Variants in CDH18 observed in about 807,000 individuals in gnomAD.
CDH18 encodes the protein cadherin-18.
In CDH18, 31 loss-of-function variants were observed where a neutral mutation model predicts 67.9. The observed-to-expected ratio is 0.46, with a 90% CI of 0.34 to 0.62. The LOEUF is 0.62. Among genes scored for constraint, CDH18 ranks in the 20% least tolerant of loss-of-function variants. CDH18 has a pLI of 0.01. For synonymous variants in CDH18, 362 were observed against 347.2 expected, an observed-to-expected ratio of 1.04 and a Z score of -0.48; for missense variants, 890 against 975.5, an observed-to-expected ratio of 0.91 and a Z score of 1.17.
At chr5:20,400,158 C>T (rs1489628814) in intron 1 of CDH18, among the ~76,000 whole-genome samples, 1 of 152,256 alleles carries the variant, frequency 6.6e-6, no homozygotes, top group East Asian at 1.9e-4. Context: ...ATACAGAAAG[C>T]TCTGACTCTG....
intron 10 of CDH18, among the ~76,000 whole-genome samples, chr5:19,507,310 A>C (rs1246666967): frequency 1.3e-5 from 2 of 152,146 alleles, no homozygotes; most frequent in African/African-American, 4.8e-5. Flanking sequence ...GTTGATGGGA[A>C]TGTAAACTAG....
intron 1 of CDH18, among the ~76,000 whole-genome samples, chr5:20,334,150 T>TTTTTTTTTTTTA (rs1432941879): frequency 6.9e-6 from 1 of 144,646 alleles, no homozygotes; most frequent in East Asian, 2.1e-4. Flanking sequence ...TTTTTTTTTT[T>TTTTTTTTTTTTA]TTGAGACGGA....
chr5:19,825,113 T>G (rs573520502), intron 3 of CDH18, among the ~76,000 whole-genome samples: 1 of 151,912 alleles, frequency 6.6e-6, no homozygotes, highest in African/African-American at 2.4e-5. Flanking sequence ...GGTAGCCAGG[T>G]AGACAGTGCC....
intron 5 of CDH18, among the ~76,000 whole-genome samples, chr5:19,686,819 A>T (rs1761160429): frequency 6.6e-6 from 1 of 152,142 alleles, no homozygotes; most frequent in South Asian, 2.1e-4. Flanking sequence ...ATATCTTCCC[A>T]ACCAAAAAAA....
At chr5:19,721,014 A>G (rs375282858) in intron 5 of CDH18, among the ~76,000 whole-genome samples, 1 of 152,174 alleles carries the variant, frequency 6.6e-6, no homozygotes, top group East Asian at 1.9e-4. Flanking sequence ...AGCAAATAAT[A>G]TATTTGAAAA....
intron 2 of CDH18, among the ~76,000 whole-genome samples, chr5:20,001,891 C>A (rs1736469750): frequency 6.6e-6 from 1 of 152,126 alleles, no homozygotes; most frequent in Non-Finnish European, 1.5e-5. Flanking sequence ...ATTCCCGGAA[C>A]TCTGCAGTCA....
At chr5:19,956,401 G>A (rs1796263428) in intron 2 of CDH18, among the ~76,000 whole-genome samples, 1 of 151,824 alleles carries the variant, frequency 6.6e-6, no homozygotes, top group Admixed American at 6.6e-5. Flanking sequence ...CCTTTCTTAG[G>A]CTAAAAGAGT....
intron 2 of CDH18, among the ~76,000 whole-genome samples, chr5:19,922,669 C>T (rs920989211): frequency 5.3e-5 from 8 of 152,048 alleles, no homozygotes; most frequent in African/African-American, 1.4e-4. Flanking sequence ...TTTTCTATAC[C>T]GGGAAATTGT....
intron 3 of CDH18, among the ~76,000 whole-genome samples, chr5:19,759,913 T>C (rs1440034279): frequency 1.3e-5 from 2 of 152,172 alleles, no homozygotes; most frequent in African/African-American, 4.8e-5. Flanking sequence ...GGGCCATGAT[T>C]CTATTTTTAT....
chr5:19,716,807 G>A (rs1324663989), intron 5 of CDH18, among the ~76,000 whole-genome samples: 1 of 151,916 alleles, frequency 6.6e-6, no homozygotes, highest in Non-Finnish European at 1.5e-5. Context: ...TTATGTACCT[G>A]ACAATTAAAT....
intron 2 of CDH18, among the ~76,000 whole-genome samples, chr5:20,121,127 T>A (rs1006571320): frequency 6.6e-6 from 1 of 152,204 alleles, no homozygotes; most frequent in Admixed American, 6.5e-5. Flanking sequence ...TAATGTTTTA[T>A]CTGTGCAAAG....
intron 10 of CDH18, 76 bp downstream of exon 10, chr5:19,520,581 A>G: frequency 7.8e-7 from 1 of 1,288,754 alleles, no homozygotes; most frequent in Non-Finnish European, 1.0e-6. Context: ...TTGGGGGATT[A>G]TACCTAAGAA....
Position 20,261,385 on chromosome 5 carries a change from ATTAT to A in CDH18, c.-579-5884_-579-5881del, listed in dbSNP as rs528513408. Among the ~76,000 whole-genome samples, 621 of 152,312 alleles carry A rather than the reference ATTAT, an allele frequency of 4.1e-3. 7 individuals carry two copies. The highest frequency in any genetic ancestry group is 0.024 in the Middle Eastern group (7 of 294). ...CTTTTATAGCCTATTTGTATGAGTA[ATTAT>A]TTATCCTTTATTTAAATACTTGAAA... On this transcript the variant is annotated intron_variant, in intron 1 of 14. Coordinates refer to the CDH18 transcript ENST00000507958.
intron 5 of CDH18, among the ~76,000 whole-genome samples, chr5:19,617,444 C>T (rs1183698384): frequency 3.9e-5 from 6 of 152,122 alleles, no homozygotes; most frequent in Non-Finnish European, 8.8e-5. Flanking sequence ...ACTGTGTAGC[C>T]TTTCCATTTA....
intron 3 of CDH18, among the ~76,000 whole-genome samples, chr5:19,811,738 G>T (rs1383357372): frequency 6.6e-6 from 1 of 152,068 alleles, no homozygotes. Context: ...TGAAATTATA[G>T]CAGGCTTATC....
At chr5:19,591,273 T>A in intron 6 of CDH18, 29 bp from the exon 7 acceptor site, 1 of 1,409,924 alleles carries the variant, frequency 7.1e-7, no homozygotes, top group Admixed American at 2.3e-5. Context: ...TAAACATATT[T>A]AAATACAATG....
chr5:20,140,358 C>A (rs935881140), intron 2 of CDH18, among the ~76,000 whole-genome samples: 2 of 151,880 alleles, frequency 1.3e-5, no homozygotes, highest in African/African-American at 4.8e-5. Context: ...AGGAGAAATA[C>A]CTAATGTAAA....
intron 2 of CDH18, among the ~76,000 whole-genome samples, chr5:20,063,551 A>T (rs1378000962): frequency 6.6e-6 from 1 of 152,152 alleles, no homozygotes. Context: ...ATTGACAAAC[A>T]TCACATTTTG....
chr5:19,800,570 A>G (rs1008923777), intron 3 of CDH18, among the ~76,000 whole-genome samples: 3 of 152,186 alleles, frequency 2.0e-5, no homozygotes, highest in African/African-American at 7.2e-5. Context: ...TAAATGTATC[A>G]GTATTTTATA....
Sources: allele counts gnomAD v4.1 joint callset (sites outside exome capture counted in the v4.1 genomes callset), GRCh38; gene constraint gnomAD v4.1.1; transcripts MANE v1.5; gene names NCBI Gene and HGNC (gene_info 2026-07-23, HGNC 2026-07-21).